The following GSK3B variants were observed in gnomAD, a reference collection of about 807,000 sequenced individuals.
The protein encoded by GSK3B is glycogen synthase kinase-3 beta.
A neutral mutation model predicts 56.4 loss-of-function variants in GSK3B; 15 were observed. The ratio of observed to expected loss-of-function variants is 0.27; its 90% CI spans 0.18 to 0.41. GSK3B has a LOEUF of 0.41. Among genes scored for constraint, GSK3B ranks in the 10% least tolerant of loss-of-function variants. The pLI is 1.00. For missense variants in GSK3B, 300 were observed against 513.4 expected (o/e 0.58, Z 4.02); for synonymous variants, 181 against 188.9 (o/e 0.96, Z 0.34).
intron 2 of GSK3B, among the ~76,000 whole-genome samples, chr3:119,979,791 C>T (rs2057442795): frequency 6.6e-6 from 1 of 152,148 alleles, no homozygotes; most frequent in African/African-American, 2.4e-5. Flanking sequence ...AGAGAAAAGG[C>T]ACCACAAATC....
intron 2 of GSK3B, among the ~76,000 whole-genome samples, chr3:119,995,530 T>A (rs2057607974): frequency 6.6e-6 from 1 of 151,504 alleles, no homozygotes; most frequent in African/African-American, 2.4e-5. Flanking sequence ...AGTGGCGCGA[T>A]CTCAGCTCAC....
chr3:119,986,187 T>C (rs756294471), intron 2 of GSK3B, among the ~76,000 whole-genome samples: 2 of 152,082 alleles, frequency 1.3e-5, no homozygotes, highest in Admixed American at 1.3e-4. Context: ...AATTAATTCA[T>C]GATGGATAAA....
intron 2 of GSK3B, among the ~76,000 whole-genome samples, chr3:119,959,138 TTTTC>T (rs1278619887): frequency 6.6e-6 from 1 of 152,186 alleles, no homozygotes; most frequent in Non-Finnish European, 1.5e-5. Flanking sequence ...AAATTTGCAG[TTTTC>T]TTTGCTAGTT....
intron 7 of GSK3B, among the ~76,000 whole-genome samples, chr3:119,897,898 T>C (rs529917988): frequency 6.6e-6 from 1 of 151,672 alleles, no homozygotes; most frequent in Admixed American, 6.6e-5. Context: ...GAACAAACTA[T>C]AGGACAGGAC....
intron 1 of GSK3B, among the ~76,000 whole-genome samples, chr3:120,019,355 T>G (rs1180897013): frequency 1.3e-5 from 2 of 152,198 alleles, no homozygotes; most frequent in East Asian, 3.8e-4. Context: ...CAAAACCACT[T>G]ACTGACCAGC....
intron 3 of GSK3B, among the ~76,000 whole-genome samples, chr3:119,941,307 C>A (rs1306333984): frequency 2.0e-5 from 3 of 152,184 alleles, no homozygotes; most frequent in Admixed American, 2.0e-4. Flanking sequence ...CGTAAACCAC[C>A]TTGACTGGCG....
At chr3:120,027,025 C>T (rs1164196140) in intron 1 of GSK3B, among the ~76,000 whole-genome samples, 5 of 144,026 alleles carry the variant, frequency 3.5e-5, no homozygotes, top group Non-Finnish European at 6.1e-5. Context: ...GAGCTGAGAT[C>T]GCACCATTGC....
chr3:120,074,103 A>G (rs2058349184), intron 1 of GSK3B, among the ~76,000 whole-genome samples: 1 of 152,012 alleles, frequency 6.6e-6, no homozygotes, highest in Non-Finnish European at 1.5e-5. Context: ...CTAGGAGTTC[A>G]AGACCAGCTT....
chr3:119,860,597 A>G (rs1247824955), intron 9 of GSK3B, among the ~76,000 whole-genome samples: 1 of 152,240 alleles, frequency 6.6e-6, no homozygotes, highest in Non-Finnish European at 1.5e-5. Flanking sequence ...GTACAGTAAC[A>G]AACATCAAAA....
intron 1 of GSK3B, among the ~76,000 whole-genome samples, chr3:120,049,656 G>A (rs1490099123): frequency 6.6e-6 from 1 of 152,208 alleles, no homozygotes; most frequent in African/African-American, 2.4e-5. Context: ...CAAATGAGTA[G>A]TAAATAAAAG....
chr3:119,851,488 C>T (rs540162123), intron 9 of GSK3B, among the ~76,000 whole-genome samples: 152 of 152,210 alleles, frequency 1.0e-3, no homozygotes, highest in African/African-American at 3.5e-3. Flanking sequence ...CTAGTGGTAA[C>T]GTGTTTGTAC....
At chr3:119,961,522 G>C (rs1188424754) in intron 2 of GSK3B, among the ~76,000 whole-genome samples, 1 of 151,802 alleles carries the variant, frequency 6.6e-6, no homozygotes, top group African/African-American at 2.4e-5. Context: ...CAGTTACTCG[G>C]GAGGCTGAGG....
At chr3:119,904,337 C>G (rs1187290954) in intron 7 of GSK3B, among the ~76,000 whole-genome samples, 1 of 152,010 alleles carries the variant, frequency 6.6e-6, no homozygotes, top group Admixed American at 6.6e-5. Flanking sequence ...AAATTTACAT[C>G]TAAGTGTAGC....
At chr3:119,950,095 T>C (rs752941239) in intron 2 of GSK3B, among the ~76,000 whole-genome samples, 1 of 150,726 alleles carries the variant, frequency 6.6e-6, no homozygotes, top group East Asian at 1.9e-4. Context: ...GAGGACAGAG[T>C]GGAGTAGTTA....
chr3:120,053,378 C>T (rs905549615), intron 1 of GSK3B, among the ~76,000 whole-genome samples: 2 of 152,114 alleles, frequency 1.3e-5, no homozygotes, highest in African/African-American at 4.8e-5. Context: ...GTACACTTTA[C>T]AGATGTAATC....
At chr3:119,927,801 G>GA (rs2056902630) in intron 3 of GSK3B, among the ~76,000 whole-genome samples, 1 of 152,092 alleles carries the variant, frequency 6.6e-6, no homozygotes, top group South Asian at 2.1e-4. Flanking sequence ...ATGGAATCCT[G>GA]AAAAACACTA....
chr3:120,076,673 G>T (rs1015592992), intron 1 of GSK3B, among the ~76,000 whole-genome samples: 1 of 151,498 alleles, frequency 6.6e-6, no homozygotes, highest in African/African-American at 2.4e-5. Flanking sequence ...AATTAGCCGG[G>T]CATGGTGGCG....
Position 120,048,396 on chromosome 3 carries a change from C to A in GSK3B, c.88+44951G>T, listed in dbSNP as rs75299225. 7.0e-3 allele frequency among the ~76,000 whole-genome samples: 1,068 copies of A among 152,282 alleles called. 9 individuals carry two copies. Among genetic ancestry groups the A allele is most frequent in the Non-Finnish European group, 7.3e-3 (496 of 68,006 alleles). On this transcript the variant is annotated intron_variant, in intron 1 of 10. Coordinates refer to ENST00000264235, the MANE Select transcript of GSK3B (RefSeq NM_001146156.2). ...CATTCAAATTGTTCCAAGACTCATA[C>A]AAAGTCTAGCATAGTCACTAAGAGC...
At chr3:120,055,204 T>C in intron 1 of GSK3B, among the ~76,000 whole-genome samples, 1 of 152,228 alleles carries the variant, frequency 6.6e-6, no homozygotes, top group Non-Finnish European at 1.5e-5. Context: ...CTTGTTCTTT[T>C]TATCTAACTG....
Sources: allele counts gnomAD v4.1 joint callset (sites outside exome capture counted in the v4.1 genomes callset), GRCh38; gene constraint gnomAD v4.1.1; transcripts MANE v1.5; gene names NCBI Gene and HGNC (gene_info 2026-07-23, HGNC 2026-07-21).